The following PTPRD variants were observed in gnomAD, a reference collection of about 807,000 sequenced individuals.
PTPRD encodes the protein receptor-type tyrosine-protein phosphatase delta.
Under a neutral mutation model 214.5 loss-of-function variants are expected in PTPRD, and 34 were observed. That is an observed-to-expected ratio of 0.16 (90% CI 0.12 to 0.21). The LOEUF is 0.21. Among genes scored for constraint, PTPRD ranks in the 10% least tolerant of loss-of-function variants. The pLI is 1.00. For missense variants in PTPRD, 2,545 were observed against 2,398.7 expected, an observed-to-expected ratio of 1.06 and a Z score of -1.27; for synonymous variants, 1,128 against 845.7, an observed-to-expected ratio of 1.33 and a Z score of -5.79.
At chr9:10,353,110 G>T (rs2097209857) in intron 2 of PTPRD, among the ~76,000 whole-genome samples, 1 of 151,918 alleles carries the variant, frequency 6.6e-6, no homozygotes, top group South Asian at 2.1e-4. Context: ...TAGTTTACCT[G>T]AATTCAAAAT....
intron 8 of PTPRD, among the ~76,000 whole-genome samples, chr9:9,449,443 G>C (rs1207437955): frequency 1.3e-5 from 2 of 151,946 alleles, no homozygotes; most frequent in Non-Finnish European, 2.9e-5. Context: ...GTAGTGAATT[G>C]TAATTGCTGA....
intron 2 of PTPRD, among the ~76,000 whole-genome samples, chr9:10,349,791 G>T (rs887731623): frequency 1.3e-5 from 2 of 152,144 alleles, no homozygotes; most frequent in East Asian, 1.9e-4. Flanking sequence ...AAGTACCCAT[G>T]AATATCTTAC....
chr9:9,366,841 TA>T (rs932978257), intron 9 of PTPRD, among the ~76,000 whole-genome samples: 5 of 150,824 alleles, frequency 3.3e-5, no homozygotes, highest in East Asian at 1.9e-4. Context: ...TACATTAAGG[TA>T]AAAAAAAGGT....
rs879007058 is a variant in PTPRD, at chr9:9,091,028, T to C, written c.-142-72293A>G. On this transcript the variant is annotated intron_variant, in intron 10 of 45. Transcript: ENST00000381196. ...ATTAAGAAATTCGTCATTCGAAACA[T>C]AGTGGAGGCCGCAGCAGTCAGGGAC... is the stretch of plus-strand genomic sequence containing the variant. 3.3e-5 allele frequency: 51 copies of C among 1,560,478 alleles called. No individual in the cohort carries two copies. The South Asian group carries it at 5.1e-4, about 16-fold the overall frequency.
At chr9:8,661,245 T>C (rs1037210225) in intron 12 of PTPRD, among the ~76,000 whole-genome samples, 18 of 152,042 alleles carry the variant, frequency 1.2e-4, no homozygotes, top group African/African-American at 4.1e-4. Context: ...TCAGAGAAAA[T>C]CCTAAAGGAG....
intron 10 of PTPRD, among the ~76,000 whole-genome samples, chr9:9,147,060 GAAT>G (rs912656067): frequency 2.6e-5 from 4 of 152,008 alleles, no homozygotes; most frequent in African/African-American, 9.7e-5. Flanking sequence ...CACCAAATTG[GAAT>G]AATAAGTTAG....
chr9:8,775,543 T>A (rs2095436892), intron 11 of PTPRD, among the ~76,000 whole-genome samples: 2 of 151,758 alleles, frequency 1.3e-5, no homozygotes, highest in South Asian at 4.2e-4. Context: ...TGGAAAGGCC[T>A]TAGTCACATG....
At position 9,307,964 on chromosome 9, in the gene PTPRD, C is replaced by A. The variant is rs569918169; in HGVS notation, c.-203+89485G>T. Among the ~76,000 whole-genome samples, 3 of 152,196 alleles carry A rather than the reference C, an allele frequency of 2.0e-5. No homozygotes were observed. The East Asian group carries it at 5.8e-4, about 29-fold the overall frequency. On this transcript the variant is annotated intron_variant, in intron 9 of 45. Transcript: ENST00000381196. Reference sequence around the variant, plus strand: ...TAACCCTCCCCACGCTGTGTAATAGCAGACAAGCTATCCTGCAAAATTCTA... The same window carrying A: ...TAACCCTCCCCACGCTGTGTAATAGAAGACAAGCTATCCTGCAAAATTCTA...
At chr9:8,550,186 TATG>T (rs2081590604) in intron 14 of PTPRD, among the ~76,000 whole-genome samples, 1 of 152,194 alleles carries the variant, frequency 6.6e-6, no homozygotes, top group Non-Finnish European at 1.5e-5. Flanking sequence ...TCTATTGGCT[TATG>T]ATTGCTCTGG....
chr9:8,566,506 G>A lies in PTPRD; in HGVS notation c.353-37727C>T, dbSNP rs1223984812. 3.3e-5 allele frequency among the ~76,000 whole-genome samples: 5 copies of A among 152,132 alleles called. No individual in the cohort carries two copies. In the East Asian group the frequency reaches 7.7e-4, roughly 23 times the overall value. On this transcript the variant is annotated intron_variant, in intron 14 of 45. Coordinates refer to ENST00000381196, the MANE Select transcript of PTPRD (RefSeq NM_002839.4). Reference sequence around the variant, plus strand: ...ATGAAACAGCTTAGTGAAAGACAGAGGTTGGCCCTAACAGCAATGTTCATT... The same window carrying A: ...ATGAAACAGCTTAGTGAAAGACAGAAGTTGGCCCTAACAGCAATGTTCATT...
chr9:8,869,220 T>C (rs1020622768), intron 11 of PTPRD, among the ~76,000 whole-genome samples: 1 of 152,172 alleles, frequency 6.6e-6, no homozygotes, highest in African/African-American at 2.4e-5. Flanking sequence ...AGATATTGCT[T>C]GTAATTTTTG....
At chr9:9,882,869 A>G (rs1212723094) in intron 5 of PTPRD, among the ~76,000 whole-genome samples, 1 of 152,082 alleles carries the variant, frequency 6.6e-6, no homozygotes, top group African/African-American at 2.4e-5. Context: ...TCCCCTGTGA[A>G]TGGCTTAGTG....
chr9:9,071,714 A>G (rs1040538226), intron 10 of PTPRD, among the ~76,000 whole-genome samples: 1 of 152,202 alleles, frequency 6.6e-6, no homozygotes, highest in South Asian at 2.1e-4. Context: ...AACCCGGCTG[A>G]TAATACATGA....
intron 31 of PTPRD, among the ~76,000 whole-genome samples, chr9:8,469,163 A>T (rs1341835895): frequency 1.3e-5 from 2 of 152,036 alleles, no homozygotes; most frequent in African/African-American, 4.8e-5. Context: ...TTGTTATGGG[A>T]ATCAGCAGCG....
chr9:10,591,036 G>A, intron 2 of PTPRD, among the ~76,000 whole-genome samples: 1 of 151,778 alleles, frequency 6.6e-6, no homozygotes. Context: ...TACCTTGAGG[G>A]AAGGACTACT....
chr9:9,801,857 C>T (rs1428808165), intron 5 of PTPRD, among the ~76,000 whole-genome samples: 1 of 152,032 alleles, frequency 6.6e-6, no homozygotes, highest in Non-Finnish European at 1.5e-5. Context: ...GCATTTCCAT[C>T]AGGATACATG....
At chr9:10,185,561 C>A (rs1055005642) in intron 3 of PTPRD, among the ~76,000 whole-genome samples, 1 of 152,134 alleles carries the variant, frequency 6.6e-6, no homozygotes, top group Admixed American at 6.6e-5. Context: ...TTTACAAACA[C>A]CCCAGGGAGA....
chr9:10,150,399 A>C (rs1308571633), intron 3 of PTPRD, among the ~76,000 whole-genome samples: 1 of 152,096 alleles, frequency 6.6e-6, no homozygotes. Flanking sequence ...TTCTGAGCAA[A>C]CCATTGCAGA....
chr9:9,965,807 T>TC (rs2094650194), intron 4 of PTPRD, among the ~76,000 whole-genome samples: 1 of 152,166 alleles, frequency 6.6e-6, no homozygotes, highest in Non-Finnish European at 1.5e-5. Context: ...ACATTAAAAC[T>TC]TAGAGCTCTT....
Sources: allele counts gnomAD v4.1 joint callset (sites outside exome capture counted in the v4.1 genomes callset), GRCh38; gene constraint gnomAD v4.1.1; transcripts MANE v1.5; gene names NCBI Gene and HGNC (gene_info 2026-07-23, HGNC 2026-07-21).